Variants in RARS2 observed in about 807,000 individuals in gnomAD.
RARS2 encodes arginyl-tRNA synthetase 2, mitochondrial, also known as probable arginine--tRNA ligase, mitochondrial.
Under a neutral mutation model 88.5 loss-of-function variants are expected in RARS2, and 67 were observed. The ratio of observed to expected loss-of-function variants is 0.76; its 90% confidence interval spans 0.62 to 0.93. The LOEUF is 0.93. Among genes scored for constraint, RARS2 ranks in the 40% least tolerant of loss-of-function variants. The pLI, the probability that RARS2 is intolerant of heterozygous loss-of-function variation, is 0.00. For missense variants in RARS2, 664 were observed against 684.2 expected (o/e 0.97, Z 0.33); for synonymous variants, 239 against 230.3 (o/e 1.04, Z -0.34).
intron 14 of RARS2, among the ~76,000 whole-genome samples, chr6:87,519,382 G>A (rs1029788345): frequency 6.6e-6 from 1 of 151,974 alleles, no homozygotes; most frequent in Non-Finnish European, 1.5e-5. Context: ...CAAGGTTATA[G>A]TAATTCAGAT....
At position 87,545,823 on chromosome 6, in the gene RARS2, G is replaced by GT. The variant is rs1282432725; in HGVS notation, c.452-125dup. ...TTTTCACTAAATTTACCAACTCAAT[G>GT]TTTTTTACTAAAACATTCATCATTG... is the stretch of plus-strand genomic sequence containing the variant. On this transcript the variant is annotated intron_variant, in intron 6 of 19. Coordinates refer to ENST00000369536, the MANE Select transcript of RARS2 (RefSeq NM_020320.5). 4.4e-6 allele frequency: 5 copies of GT among 1,133,642 alleles called. No homozygotes were observed. In the African/African-American group the frequency reaches 6.3e-5, roughly 14 times the overall value. The allele number at this position is 1,133,642 out of a possible 1,614,324, so 70.2% of individuals were successfully genotyped here.
Position 87,562,765 on chromosome 6 carries a change from C to T in RARS2, c.234G>A (p.Val78=). 1 of 1,613,462 alleles carries T rather than the reference C, an allele frequency of 6.2e-7. No individual in the cohort carries two copies. Among genetic ancestry groups the T allele is most frequent in the Non-Finnish European group, 8.5e-7 (1 of 1,179,436 alleles). ...LAEKLRCDTV[V]SEISTGQRTV... is the part of the protein sequence containing the mutation. ...TCCTTTGACCAGTACTGATTTCACT[C>T]ACCACTGTATCACATCTTAGCTGAA... Residue 78 remains valine (V), a synonymous_variant, in exon 4 of 20, where the codon GTG becomes GTA. Coordinates refer to ENST00000369536, the MANE Select transcript of RARS2 (RefSeq NM_020320.5).
rs766488243 is a variant in RARS2, at chr6:87,569,523, T to C, written c.104A>G (p.Gln35Arg). 3.1e-6 allele frequency: 5 copies of C among 1,591,780 alleles called. No homozygotes were observed. The highest frequency in any genetic ancestry group is 8.6e-7 in the Non-Finnish European group (1 of 1,159,986). ...CAAGTGTATTATACTTAACTCTTTT[T>C]GGGAAATTGGAACTGCAGATATTGA... ...ITSISAVPIS[Q>R]KEEVADFQLS... The change falls in exon 2 of 20, where the codon CAA (glutamine) becomes CGA (arginine). Residue 35 changes from glutamine (Q) to arginine (R), a missense_variant. Gln to Arg is a conservative substitution (Grantham distance 43). Transcript: ENST00000369536.
intron 5 of RARS2, among the ~76,000 whole-genome samples, chr6:87,552,843 T>C (rs1475055099): frequency 6.6e-6 from 1 of 152,160 alleles, no homozygotes; most frequent in Admixed American, 6.5e-5. Flanking sequence ...CAAGGATGAA[T>C]GTACGGTAAC....
intron 5 of RARS2, among the ~76,000 whole-genome samples, chr6:87,554,050 T>A (rs1004833199): frequency 6.6e-6 from 1 of 152,194 alleles, no homozygotes; most frequent in Non-Finnish European, 1.5e-5. Context: ...ACTGCAATAA[T>A]GAGTTAGTAA....
Position 87,524,613 on chromosome 6 carries a change from G to T in RARS2, c.918C>A (p.Asp306Glu). ...GCATTACAGTACAAATTGAGGAGGG[G>T]TCGCCATTCCCAGAGAGATCTACTA... ...TAVVDLSGNG[D>E]PSSICTVMRS... The change falls in exon 11 of 20, where the codon GAC (aspartate) becomes GAA (glutamate). Residue 306 changes from aspartate (D) to glutamate (E), a missense_variant. Asp to Glu is a conservative substitution (Grantham distance 45). Coordinates refer to ENST00000369536, the MANE Select transcript of RARS2 (RefSeq NM_020320.5). The T allele has an allele frequency of 6.2e-7, 1 of 1,613,368 alleles. No homozygotes were observed. Among genetic ancestry groups the T allele is most frequent in the Non-Finnish European group, 8.5e-7 (1 of 1,179,576 alleles).
intron 8 of RARS2, among the ~76,000 whole-genome samples, chr6:87,537,674 AACT>A: frequency 6.6e-6 from 1 of 152,340 alleles, no homozygotes; most frequent in East Asian, 1.9e-4. Flanking sequence ...GCTCACTACT[AACT>A]ACAACTTGAT....
rs1029167926 is a variant in RARS2, at chr6:87,576,497, C to T, written c.37-6907G>A. Among the ~76,000 whole-genome samples the T allele has an allele frequency of 8.5e-5, 10 of 117,636 alleles. 2 individuals are homozygous for T. Among genetic ancestry groups the T allele is most frequent in the African/African-American group, 3.2e-4 (10 of 31,532 alleles). 77.2% of individuals were successfully genotyped at this position (117,636 alleles called of 152,430 possible). ...TTCACCGTGTTAGCCAGGATGGTCTCGATCTCCTGACCTCGTGATCCGCCC... is the reference window on the plus strand; with the variant it reads ...TTCACCGTGTTAGCCAGGATGGTCTTGATCTCCTGACCTCGTGATCCGCCC... On this transcript the variant is annotated intron_variant, in intron 1 of 19. Coordinates refer to ENST00000369536, the MANE Select transcript of RARS2 (RefSeq NM_020320.5).
At position 87,579,985 on chromosome 6, in the gene RARS2, C is replaced by T. The variant is rs1772978256; in HGVS notation, c.36+9937G>A. Among the ~76,000 whole-genome samples the T allele has an allele frequency of 3.3e-5, 5 of 151,948 alleles. No individual in the cohort carries two copies. In the South Asian group the frequency reaches 8.3e-4, roughly 25 times the overall value. ...TGATCTCTTGACCTCGTGATCCACC[C>T]GCCTCCACCTCCCAAAGTGCTGGGA... On this transcript the variant is annotated intron_variant, in intron 1 of 19. Coordinates refer to ENST00000369536, the MANE Select transcript of RARS2 (RefSeq NM_020320.5).
At chr6:87,571,040 T>C (rs1769527353) in intron 1 of RARS2, among the ~76,000 whole-genome samples, 2 of 152,300 alleles carry the variant, frequency 1.3e-5, no homozygotes, top group South Asian at 2.1e-4. Flanking sequence ...ACAGAACCTA[T>C]ACTCAACCCC....
At chr6:87,562,927 A>G (rs1264714549) in intron 3 of RARS2, 142 bp from the exon 4 acceptor site, 2 of 698,046 alleles carry the variant, frequency 2.9e-6, no homozygotes, top group East Asian at 2.7e-5. Context: ...TTCTCAGGCA[A>G]TCTCTTTAGT....
chr6:87,556,556 G>A (rs917511918), intron 4 of RARS2, among the ~76,000 whole-genome samples: 3 of 151,866 alleles, frequency 2.0e-5, no homozygotes, highest in Admixed American at 6.6e-5. Flanking sequence ...GGAGGCTGAG[G>A]CAGGTGGATC....
chr6:87,572,401 A>G (rs1225823651), intron 1 of RARS2, among the ~76,000 whole-genome samples: 1 of 152,186 alleles, frequency 6.6e-6, no homozygotes, highest in African/African-American at 2.4e-5. Context: ...TCGGCTGAAA[A>G]AAACTCAGTT....
intron 8 of RARS2, among the ~76,000 whole-genome samples, chr6:87,533,749 A>C (rs1778294102): frequency 6.6e-6 from 1 of 152,234 alleles, no homozygotes; most frequent in African/African-American, 2.4e-5. Flanking sequence ...TAACTCAGAT[A>C]ATTACAGTAA....
At chr6:87,525,906 A>G (rs1301396675) in intron 10 of RARS2, among the ~76,000 whole-genome samples, 1 of 152,184 alleles carries the variant, frequency 6.6e-6, no homozygotes, top group Admixed American at 6.5e-5. Flanking sequence ...TTTAAAAAAA[A>G]ATCCCATTTA....
At chr6:87,542,294 T>C (rs1049220489) in intron 7 of RARS2, among the ~76,000 whole-genome samples, 2 of 152,168 alleles carry the variant, frequency 1.3e-5, no homozygotes, top group African/African-American at 4.8e-5. Flanking sequence ...CTAACAGTGC[T>C]GAACACCACC....
intron 7 of RARS2, among the ~76,000 whole-genome samples, chr6:87,542,297 A>C (rs1490710205): frequency 3.3e-5 from 5 of 152,190 alleles, no homozygotes; most frequent in African/African-American, 1.2e-4. Flanking sequence ...ACAGTGCTGA[A>C]CACCACCCTA....
chr6:87,564,356 C>T lies in RARS2; in HGVS notation c.111-124G>A, dbSNP rs577263049. The T allele has an allele frequency of 6.5e-6, 5 of 772,566 alleles. No homozygotes were observed. The African/African-American group carries it at 8.6e-5, about 13-fold the overall frequency. The allele number at this position is 772,566 out of a possible 1,614,324, so 47.9% of individuals were successfully genotyped here. ...TTACCAGAAGAAGGTGTTATGTGTACTTTCAAAATTAAAAGCAAGGGGGCC... is the reference window on the plus strand; with the variant it reads ...TTACCAGAAGAAGGTGTTATGTGTATTTTCAAAATTAAAAGCAAGGGGGCC... On this transcript the variant is annotated intron_variant, in intron 2 of 19. Coordinates refer to ENST00000369536, the MANE Select transcript of RARS2 (RefSeq NM_020320.5).
Position 87,530,880 on chromosome 6 carries a change from C to A in RARS2, c.675G>T (p.Glu225Asp). Residue 225 changes from glutamate to aspartate, a missense_variant, in exon 9 of 20, where the codon GAG becomes GAT. By Grantham distance (45) the Glu-to-Asp change is conservative. Coordinates refer to ENST00000369536, the MANE Select transcript of RARS2 (RefSeq NM_020320.5). ...CGCCCAGTTCCAATCGTTGGAAGAACTCCTGTGCTGCTTTTGCTACACTTT... is the reference window on the plus strand; with the variant it reads ...CGCCCAGTTCCAATCGTTGGAAGAAATCCTGTGCTGCTTTTGCTACACTTT... Reference protein sequence around the residue: ...DDKSVAKAAQEFFQRLELGDV... With the variant: ...DDKSVAKAAQDFFQRLELGDV... 1.2e-6 allele frequency: 2 copies of A among 1,614,220 alleles called. No homozygotes were observed. Among genetic ancestry groups the A allele is most frequent in the Non-Finnish European group, 1.7e-6 (2 of 1,180,028 alleles).
Sources: allele counts gnomAD v4.1 joint callset (sites outside exome capture counted in the v4.1 genomes callset), GRCh38; gene constraint gnomAD v4.1.1; transcripts MANE v1.5; gene names NCBI Gene and HGNC (gene_info 2026-07-23, HGNC 2026-07-21).